Variants in NAT16 observed in about 807,000 individuals in gnomAD.
The protein encoded by NAT16 is probable N-acetyltransferase 16.
NAT16 carries 16 observed loss-of-function variants against 15.9 expected under a neutral mutation model. The observed-to-expected ratio is 1.01, with a 90% confidence interval of 0.68 to 1.53. The LOEUF is 1.53. Among genes scored for constraint, NAT16 ranks in the 40% most tolerant of loss-of-function variants. NAT16 has a pLI of 0.00. For synonymous variants in NAT16, 260 were observed against 241.9 expected, an observed-to-expected ratio of 1.07 and a Z score of -0.69; for missense variants, 572 against 508.4, an observed-to-expected ratio of 1.13 and a Z score of -1.20.
rs771667323 is a variant in NAT16, at chr7:101,172,681, G to A, written c.538-30C>T. ...GGGGGGCACGAGTGAGCGCGGGGAG[G>A]GGGGGCGCAGCAGGGCTGGCGAGCC... On this transcript the variant is annotated intron_variant, in intron 3 of 3. Transcript: ENST00000300303. This position sits in a 1 kb window ranked among gnomAD's most constrained non-coding sequence, Gnocchi z 4.2. 6.9e-7 allele frequency: 1 copy of A among 1,442,430 alleles called. No individual in the cohort carries two copies. Among genetic ancestry groups the A allele is most frequent in the East Asian group, 2.8e-5 (1 of 36,122 alleles). 89.4% of individuals were successfully genotyped at this position (1,442,430 alleles called of 1,614,324 possible).
At chr7:101,174,301 A>G in intron 2 of NAT16, 195 bp downstream of exon 2, 1 of 673,806 alleles carries the variant, frequency 1.5e-6, no homozygotes, top group Non-Finnish European at 2.4e-6. Flanking sequence ...CTGCTTTAGG[A>G]GTCCTCCACC....
chr7:101,178,710 T>TAAAAAAAAAA (rs386410830), intron 1 of NAT16, among the ~76,000 whole-genome samples: 33 of 72,782 alleles, frequency 4.5e-4, no homozygotes, highest in Non-Finnish European at 6.6e-4. Context: ...CTCTCTCTAC[T>TAAAAAAAAAA]AAAAAAAAAA....
chr7:101,173,729 T>C, intron 2 of NAT16: 1 of 541,388 alleles, frequency 1.8e-6, no homozygotes, highest in Non-Finnish European at 3.2e-6. Context: ...CCTTTTTATT[T>C]TTATTTATTT....
chr7:101,172,179 G>T lies in NAT16; in HGVS notation c.1010C>A (p.Pro337His). 1 of 1,613,806 alleles carries T rather than the reference G, an allele frequency of 6.2e-7. No homozygotes were observed. Among genetic ancestry groups the T allele is most frequent in the Non-Finnish European group, 8.5e-7 (1 of 1,179,868 alleles). ...LNVMCQLFLEPQLWSQLADFC... is the reference protein window; with the variant it reads ...LNVMCQLFLEHQLWSQLADFC... Reference sequence around the variant, plus strand: ...GTCAGCCAGCTGTGACCACAGCTGGGGCTCCAGGAAGAGCTGGCACATGAC... The same window carrying T: ...GTCAGCCAGCTGTGACCACAGCTGGTGCTCCAGGAAGAGCTGGCACATGAC... Residue 337 changes from proline (P) to histidine (H), a missense_variant, in exon 4 of 4, where the codon CCC becomes CAC. By Grantham distance (77) the Pro-to-His change is moderately conservative. Transcript: ENST00000300303. This position sits in a 1 kb window ranked among gnomAD's most constrained non-coding sequence, Gnocchi z 4.2.
At chr7:101,179,485 G>C (rs1013603476) in intron 1 of NAT16, among the ~76,000 whole-genome samples, 24 of 150,918 alleles carry the variant, frequency 1.6e-4, no homozygotes, top group Admixed American at 4.6e-4. Flanking sequence ...GAGGGGAAGG[G>C]GTCAAGGGGA....
chr7:101,174,630 C>G lies in NAT16; in HGVS notation c.178G>C (p.Glu60Gln), dbSNP rs765929180. Residue 60 changes from glutamate to glutamine, a missense_variant, in exon 2 of 4, where the codon GAA (glutamate) becomes CAA (glutamine). Coordinates refer to ENST00000300303, the MANE Select transcript of NAT16 (RefSeq NM_198571.3). ...AEPLDFVVATEREFEEVLAIS... is the reference protein window; with the variant it reads ...AEPLDFVVATQREFEEVLAIS... ...GCCAGCACTTCCTCAAACTCCCGTT[C>G]CGTGGCCACCACGAAGTCCAATGGC... 9 of 1,614,104 alleles carry G rather than the reference C, an allele frequency of 5.6e-6. No individual in the cohort carries two copies. The African/African-American group carries it at 1.1e-4, about 19-fold the overall frequency.
In NAT16 at chr7:101,172,568, G is replaced by A. The variant is rs771859590; in HGVS notation, c.621C>T (p.Thr207=). The A allele has an allele frequency of 6.5e-7, 1 of 1,539,704 alleles. No individual in the cohort carries two copies. Among genetic ancestry groups the A allele is most frequent in the South Asian group, 1.2e-5 (1 of 84,812 alleles). The change falls in exon 4 of 4, where the codon ACC becomes ACT. Residue 207 remains threonine, a synonymous_variant. Transcript: ENST00000300303. The surrounding 1 kb of genome is among the most constrained non-coding windows in gnomAD (Gnocchi z 4.2). ...CGGCCTCGGTGGGCAGCGGCGAGAAGGTGCCAGAGGTCCGCAGCGCCGCCA... is the reference window on the plus strand; with the variant it reads ...CGGCCTCGGTGGGCAGCGGCGAGAAAGTGCCAGAGGTCCGCAGCGCCGCCA... ...ARLAALRTSG[T]FSPLPTEAVS... is the part of the protein sequence containing the mutation.
In NAT16 at chr7:101,171,373, C is replaced by T. The variant is rs1266054942; in HGVS notation, c.*706G>A. 6.6e-6 allele frequency: 1 copy of T among 152,398 alleles called. No individual in the cohort carries two copies. The highest frequency in any genetic ancestry group is 2.4e-5 in the African/African-American group (1 of 41,472). 9.4% of individuals were successfully genotyped at this position (152,398 alleles called of 1,614,324 possible). ...ACATTTCATTTTACAGTATCACTCTCTCTCTCTCTGGATTGCACACTGGGC... is the reference window on the plus strand; with the variant it reads ...ACATTTCATTTTACAGTATCACTCTTTCTCTCTCTGGATTGCACACTGGGC... On this transcript the variant is annotated 3_prime_UTR_variant, in exon 4 of 4. Coordinates refer to ENST00000300303, the MANE Select transcript of NAT16 (RefSeq NM_198571.3).
At position 101,171,827 on chromosome 7, in the gene NAT16, C is replaced by G. The variant is rs756058974; in HGVS notation, c.*252G>C. The G allele has an allele frequency of 7.6e-5, 37 of 485,806 alleles. No individual in the cohort carries two copies. The highest frequency in any genetic ancestry group is 1.2e-4 in the Non-Finnish European group (34 of 276,602). The allele number at this position is 485,806 out of a possible 1,614,324, so 30.1% of individuals were successfully genotyped here. ...GTGGATAACAGCAGCTCAAGGCCCC[C>G]ACCCCCAGCCCCCACCTAATAGTCC... On this transcript the variant is annotated 3_prime_UTR_variant, in exon 4 of 4. Transcript: ENST00000300303.
Position 101,171,093 on chromosome 7 carries a change from G to T in NAT16, c.*986C>A, listed in dbSNP as rs1797309472. On this transcript the variant is annotated 3_prime_UTR_variant, in exon 4 of 4. Coordinates refer to ENST00000300303, the MANE Select transcript of NAT16 (RefSeq NM_198571.3). ...TCCAGTTGCACTAGAAGGCGGCCTG[G>T]TTGGAACCAGGAGACAGCCCCTATG... is the stretch of plus-strand genomic sequence containing the variant. 1 of 152,296 alleles carries T rather than the reference G, an allele frequency of 6.6e-6. No homozygotes were observed. 9.4% of individuals were successfully genotyped at this position (152,296 alleles called of 1,614,324 possible).
chr7:101,172,328 C>T lies in NAT16; in HGVS notation c.861G>A (p.Pro287=). Residue 287 remains proline (P), a synonymous_variant, in exon 4 of 4, where the codon CCG becomes CCA. Coordinates refer to ENST00000300303, the MANE Select transcript of NAT16 (RefSeq NM_198571.3). The surrounding 1 kb of genome is among the most constrained non-coding windows in gnomAD (Gnocchi z 4.2). ...LTLCTRPFPI[P]HGGDGTWRYL... is the part of the protein sequence containing the mutation. ...AGCGCCAAGTGCCGTCCCCTCCGTG[C>T]GGGATGGGGAAGGGGCGCGTGCACA... 1 of 1,604,798 alleles carries T rather than the reference C, an allele frequency of 6.2e-7. No homozygotes were observed. The highest frequency in any genetic ancestry group is 8.5e-7 in the Non-Finnish European group (1 of 1,176,730).
intron 1 of NAT16, among the ~76,000 whole-genome samples, chr7:101,176,226 A>G (rs1317785872): frequency 6.6e-6 from 1 of 152,206 alleles, no homozygotes; most frequent in Non-Finnish European, 1.5e-5. Context: ...GCTCCACTAG[A>G]AAATGTCAAG....
chr7:101,178,430 C>T (rs1797512844), intron 1 of NAT16, among the ~76,000 whole-genome samples: 1 of 152,152 alleles, frequency 6.6e-6, no homozygotes, highest in Non-Finnish European at 1.5e-5. Flanking sequence ...ACTTCCTACC[C>T]TCCAGTCCAG....
intron 3 of NAT16, 105 bp downstream of exon 3, chr7:101,173,191 A>G (rs935506448): frequency 3.2e-5 from 34 of 1,053,342 alleles, no homozygotes; most frequent in Admixed American, 1.5e-4. Context: ...GCCACTCGGT[A>G]AAGCCCAGAG....
chr7:101,174,968 T>G (rs1257400932), intron 1 of NAT16, among the ~76,000 whole-genome samples, 157 bp from the exon 2 acceptor site: 3 of 152,238 alleles, frequency 2.0e-5, no homozygotes, highest in Admixed American at 6.5e-5. Context: ...ATTTATTTAT[T>G]TTTTGAGACG....
Position 101,172,371 on chromosome 7 carries a change from C to A in NAT16, c.818G>T (p.Arg273Leu). Reference sequence around the variant, plus strand: ...CGTGCACAGCGTGAGCACGCGCGGGCGCGCGCGGCTGTCCACGCGCCACTC... The same window carrying A: ...CGTGCACAGCGTGAGCACGCGCGGGAGCGCGCGGCTGTCCACGCGCCACTC... ...GLEWRVDSRA[R>L]PRVLTLCTRP... Residue 273 changes from arginine to leucine, a missense_variant, in exon 4 of 4, where the codon CGC becomes CTC. Transcript: ENST00000300303. This position sits in a 1 kb window ranked among gnomAD's most constrained non-coding sequence, Gnocchi z 4.2. The A allele has an allele frequency of 6.4e-7, 1 of 1,573,302 alleles. No individual in the cohort carries two copies. Among genetic ancestry groups the A allele is most frequent in the East Asian group, 2.4e-5 (1 of 42,300 alleles).
chr7:101,173,887 C>A (rs905306784), intron 2 of NAT16: 4 of 284,982 alleles, frequency 1.4e-5, no homozygotes, highest in Non-Finnish European at 2.6e-5. Context: ...CCCCTACTCT[C>A]GGCTTTTTAT....
rs759489660 is a variant in NAT16, at chr7:101,173,452, C to A, written c.381G>T (p.Ala127=). ...ETVLVEGLRV[A]PWERGKGVAG... is the part of the protein sequence containing the mutation. ...CCACGCCCTTCCCGCGCTCCCAGGG[C>A]GCCACGCGCAGCCCCTCCACCAGCA... is the stretch of plus-strand genomic sequence containing the variant. The change falls in exon 3 of 4, where the codon GCG becomes GCT. Residue 127 remains alanine (A), a synonymous_variant. Transcript: ENST00000300303. The A allele has an allele frequency of 1.2e-6, 2 of 1,612,144 alleles. No individual in the cohort carries two copies. The highest frequency in any genetic ancestry group is 1.7e-4 in the Middle Eastern group (1 of 6,042).
At chr7:101,175,276 A>G (rs973172097) in intron 1 of NAT16, among the ~76,000 whole-genome samples, 1 of 143,096 alleles carries the variant, frequency 7.0e-6, no homozygotes, top group East Asian at 2.1e-4. Context: ...TCTTCTTCTT[A>G]TTTTTTTTTT....
Sources: gnomAD v4.1 joint callset for allele counts (sites outside exome capture counted in the v4.1 genomes callset) on GRCh38, gnomAD v4.1.1 for gene constraint, Gnocchi (gnomAD v3.1) non-coding constraint, MANE v1.5 for transcripts, NCBI Gene and HGNC (gene_info 2026-07-23, HGNC 2026-07-21) for gene names.